The following RAPGEF1 variants were observed in gnomAD, a reference collection of about 807,000 sequenced individuals.
The protein encoded by RAPGEF1 is Rap guanine nucleotide exchange factor 1.
Under a neutral mutation model 143.3 loss-of-function variants are expected in RAPGEF1, and 33 were observed. The ratio of observed to expected loss-of-function variants is 0.23; its 90% confidence interval spans 0.17 to 0.31. The LOEUF (loss-of-function observed/expected upper bound fraction) is 0.31, where lower values mean the gene tolerates loss of function less well. Ranked by LOEUF, RAPGEF1 falls within the 10% of genes least tolerant of loss-of-function variation. RAPGEF1 has a pLI of 1.00. For synonymous variants in RAPGEF1, 629 were observed against 676.5 expected (o/e 0.93, Z 1.09); for missense variants, 1,199 against 1,645.4 (o/e 0.73, Z 4.69).
chr9:131,687,871 C>T (rs1833482608), intron 1 of RAPGEF1, among the ~76,000 whole-genome samples: 1 of 152,192 alleles, frequency 6.6e-6, no homozygotes, highest in Admixed American at 6.5e-5. Context: ...GATACTCCAC[C>T]ATCACATGGG....
chr9:131,692,857 A>G (rs1021555861), intron 1 of RAPGEF1, among the ~76,000 whole-genome samples: 1 of 152,242 alleles, frequency 6.6e-6, no homozygotes, highest in Non-Finnish European at 1.5e-5. Flanking sequence ...ACAGGAAATA[A>G]TCTGCACAGT....
chr9:131,650,909 C>A lies in RAPGEF1; in HGVS notation c.102G>T (p.Leu34=). 6.2e-7 allele frequency: 1 copy of A among 1,613,928 alleles called. No homozygotes were observed. Among genetic ancestry groups the A allele is most frequent in the East Asian group, 2.2e-5 (1 of 44,878 alleles). ...RSHLSSFTMK[L]MDKFHSPKIK... ...TTTTGGGTGAGTGGAATTTGTCCAT[C>A]AGCTTCATGGTGAAGGAAGAGAGAT... is the stretch of plus-strand genomic sequence containing the variant. Residue 34 remains leucine (L), a synonymous_variant, in exon 2 of 27, where the codon CTG becomes CTT. Coordinates refer to ENST00000683357, the MANE Select transcript of RAPGEF1 (RefSeq NM_001377935.1). The surrounding 1 kb of genome is among the most constrained non-coding windows in gnomAD (Gnocchi z 4.7).
Position 131,621,822 on chromosome 9 carries a change from C to T in RAPGEF1, c.1879G>A (p.Ala627Thr), listed in dbSNP as rs372758833. The change falls in exon 11 of 27, where the codon GCC becomes ACC. Residue 627 changes from alanine to threonine, a missense_variant. By Grantham distance (58) the Ala-to-Thr change is moderately conservative. Coordinates refer to ENST00000683357, the MANE Select transcript of RAPGEF1 (RefSeq NM_001377935.1). The surrounding 1 kb of genome is among the most constrained non-coding windows in gnomAD (Gnocchi z 4.5). ...AGCTGCCGCTGCTTGGGGGGTAGGG[C>T]GGGCGGCGGGGCCAGCTCCTGCACG... ...DSVQELAPPPALPPKQRQLAS... is the reference protein window; with the variant it reads ...DSVQELAPPPTLPPKQRQLAS... The T allele has an allele frequency of 2.1e-5, 34 of 1,604,444 alleles. No individual in the cohort carries two copies. The highest frequency in any genetic ancestry group is 2.7e-5 in the Non-Finnish European group (32 of 1,175,756).
At chr9:131,710,006 C>A (rs559396493) in intron 1 of RAPGEF1, 1 of 935,204 alleles carries the variant, frequency 1.1e-6, no homozygotes, top group South Asian at 4.9e-5. Flanking sequence ...ATCAGCACAA[C>A]AGCGGCTTGC....
intron 1 of RAPGEF1, among the ~76,000 whole-genome samples, chr9:131,668,626 G>A (rs1830826069): frequency 6.6e-6 from 1 of 152,104 alleles, no homozygotes; most frequent in South Asian, 2.1e-4. Flanking sequence ...ACCACTCAAG[G>A]CGGCCTGTCC....
intron 4 of RAPGEF1, among the ~76,000 whole-genome samples, chr9:131,641,000 G>C (rs377232725): frequency 3.3e-5 from 5 of 152,066 alleles, no homozygotes; most frequent in Non-Finnish European, 2.9e-5. Flanking sequence ...CCACACCCAG[G>C]CACTTCCCAT....
chr9:131,589,123 G>A, intron 19 of RAPGEF1, 137 bp from the exon 20 acceptor site: 1 of 824,492 alleles, frequency 1.2e-6, no homozygotes, highest in South Asian at 1.8e-5. Context: ...TGGGAAGAGA[G>A]CAGGAGACGA....
chr9:131,642,015 C>T (rs1156862123), intron 4 of RAPGEF1, among the ~76,000 whole-genome samples: 5 of 152,164 alleles, frequency 3.3e-5, no homozygotes, highest in Admixed American at 6.5e-5. Context: ...AGTCATCTTG[C>T]GGAATTGCGA....
chr9:131,625,433 G>C (rs954688854), intron 10 of RAPGEF1, among the ~76,000 whole-genome samples: 4 of 152,202 alleles, frequency 2.6e-5, no homozygotes, highest in African/African-American at 9.6e-5. Context: ...AATTACTCCT[G>C]CTGGGCAACC....
chr9:131,605,062 A>G lies in RAPGEF1; in HGVS notation c.2188T>C (p.Ser730Pro). The change falls in exon 13 of 27, where the codon TCT (serine) becomes CCT (proline). Residue 730 changes from serine to proline, a missense_variant. By Grantham distance (74) the Ser-to-Pro change is moderately conservative. This residue lies in a region of RAPGEF1 where 293 missense variants were observed against 356.2 expected (regional missense o/e 0.82). Transcript: ENST00000683357. ...GCCATGGTTGGCACGGCTAAGTCAG[A>G]GCTCTGAGACTGGTGGGCAGGTGGG... ...HFPPAHQSQS[S>P]DLAVPTMAGP... 4 of 1,365,522 alleles carry G rather than the reference A, an allele frequency of 2.9e-6. No individual in the cohort carries two copies. The highest frequency in any genetic ancestry group is 3.9e-6 in the Non-Finnish European group (4 of 1,021,536). 84.6% of individuals were successfully genotyped at this position (1,365,522 alleles called of 1,614,324 possible). A position where few individuals can be genotyped will look rare whatever the true frequency, so the allele number is the denominator to read the frequency against.
At chr9:131,686,102 G>A (rs541455616) in intron 1 of RAPGEF1, among the ~76,000 whole-genome samples, 21 of 152,158 alleles carry the variant, frequency 1.4e-4, no homozygotes, top group African/African-American at 4.6e-4. Context: ...AATATAAAAC[G>A]AATTCCTTCA....
chr9:131,589,467 A>G (rs1050390980), intron 19 of RAPGEF1, among the ~76,000 whole-genome samples: 6 of 152,240 alleles, frequency 3.9e-5, no homozygotes, highest in African/African-American at 1.2e-4. Context: ...GAGATTTGTT[A>G]GCGGAACGGA....
At chr9:131,586,841 AACAC>A (rs71374111) in intron 22 of RAPGEF1, among the ~76,000 whole-genome samples, 19 of 25,542 alleles carry the variant, frequency 7.4e-4, no homozygotes, top group East Asian at 4.1e-3. Flanking sequence ...CTCCGTCTCA[AACAC>A]ACACACACAC....
intron 1 of RAPGEF1, among the ~76,000 whole-genome samples, chr9:131,663,987 A>C (rs1439369159): frequency 1.2e-4 from 18 of 152,142 alleles, no homozygotes; most frequent in African/African-American, 9.7e-5. Flanking sequence ...GCATTCCTTT[A>C]TAAGTAATAG....
intron 1 of RAPGEF1, among the ~76,000 whole-genome samples, chr9:131,707,416 T>C (rs1203622907): frequency 6.6e-6 from 1 of 152,192 alleles, no homozygotes; most frequent in Non-Finnish European, 1.5e-5. Flanking sequence ...TTATACAGTA[T>C]ATTTTGCTGA....
chr9:131,650,917 T>C lies in RAPGEF1; in HGVS notation c.94A>G (p.Met32Val). The change falls in exon 2 of 27, where the codon ATG becomes GTG. Residue 32 changes from methionine to valine, a missense_variant. Around this residue, in one of 6 missense-constraint regions of RAPGEF1, gnomAD observed 613 missense variants for 710.9 expected, o/e 0.86. Coordinates refer to ENST00000683357, the MANE Select transcript of RAPGEF1 (RefSeq NM_001377935.1). The surrounding 1 kb of genome is among the most constrained non-coding windows in gnomAD (Gnocchi z 4.7). The stretch of plus-strand genomic sequence containing the variant: ...GAGTGGAATTTGTCCATCAGCTTCA[T>C]GGTGAAGGAAGAGAGATGAGAACGC... Reference protein sequence around the residue: ...SQRSHLSSFTMKLMDKFHSPK... With the variant: ...SQRSHLSSFTVKLMDKFHSPK... 6.2e-7 allele frequency: 1 copy of C among 1,613,824 alleles called. No homozygotes were observed. Among genetic ancestry groups the C allele is most frequent in the Non-Finnish European group, 8.5e-7 (1 of 1,179,760 alleles).
rs556975718 is a variant in RAPGEF1 at position 131,683,426 on chromosome 9, A to G, written c.62-32477T>C. Among the ~76,000 whole-genome samples, 12 of 152,372 alleles carry G rather than the reference A, an allele frequency of 7.9e-5. No homozygotes were observed. The South Asian group carries it at 1.0e-3, about 13-fold the overall frequency. On this transcript the variant is annotated intron_variant, in intron 1 of 26. Coordinates refer to ENST00000683357, the MANE Select transcript of RAPGEF1 (RefSeq NM_001377935.1). ...AATTAAGAAGAAATCAGGTAAATGG[A>G]GAATGTTAACTGACTTAAGAGCCAT...
chr9:131,736,596 G>T (rs1325749973), intron 1 of RAPGEF1, among the ~76,000 whole-genome samples: 1 of 152,206 alleles, frequency 6.6e-6, no homozygotes, highest in African/African-American at 2.4e-5. Flanking sequence ...CTCCCCCAGG[G>T]GTTAAGGAGA....
rs144860050 is a variant in RAPGEF1 at position 131,582,410 on chromosome 9, T to C, written c.3512+195A>G. Reference sequence around the variant, plus strand: ...TTAAACTGTATTATAAGAAGCATTATATATTATATTATATATATGTATTGT... The same window carrying C: ...TTAAACTGTATTATAAGAAGCATTACATATTATATTATATATATGTATTGT... On this transcript the variant is annotated intron_variant, in intron 25 of 26. Transcript: ENST00000683357. 6.2e-3 allele frequency among the ~76,000 whole-genome samples: 941 copies of C among 151,872 alleles called. 14 individuals are homozygous for C. The highest frequency in any genetic ancestry group is 0.021 in the African/African-American group (867 of 41,452).
Sources: allele counts gnomAD v4.1 joint callset (sites outside exome capture counted in the v4.1 genomes callset), GRCh38; gene constraint gnomAD v4.1.1; regional missense constraint gnomAD v4.1.1; non-coding constraint Gnocchi (gnomAD v3.1); transcripts MANE v1.5; gene names NCBI Gene and HGNC (gene_info 2026-07-23, HGNC 2026-07-21).